Variants in ADCY5 observed in about 807,000 individuals in gnomAD.
ADCY5 encodes adenylate cyclase 5, also known as adenylate cyclase type 5.
Under a neutral mutation model 119.7 loss-of-function variants are expected in ADCY5, and 30 were observed. The ratio of observed to expected loss-of-function variants is 0.25; its 90% CI spans 0.19 to 0.34. The LOEUF is 0.34. Among genes scored for constraint, ADCY5 ranks in the 10% least tolerant of loss-of-function variants. The pLI is 1.00. For missense variants in ADCY5, 1,324 were observed against 1,775.2 expected (o/e 0.75, Z 4.57); for synonymous variants, 753 against 762.2 (o/e 0.99, Z 0.20).
At chr3:123,293,691 G>A (rs1046106718) in intron 17 of ADCY5, among the ~76,000 whole-genome samples, 3 of 152,162 alleles carry the variant, frequency 2.0e-5, no homozygotes, top group African/African-American at 7.2e-5. Context: ...AGGGAAGGCT[G>A]GGAAGAAGCC....
At chr3:123,375,856 G>A (rs772710770) in intron 1 of ADCY5, among the ~76,000 whole-genome samples, 3 of 152,278 alleles carry the variant, frequency 2.0e-5, no homozygotes, top group South Asian at 4.1e-4. Context: ...GTCCATGTCA[G>A]TATGTCTGTC....
In ADCY5 at chr3:123,426,612, T is replaced by G. The variant is rs563157592; in HGVS notation, c.1134+20800A>C. Among the ~76,000 whole-genome samples, 3 of 152,216 alleles carry G rather than the reference T, an allele frequency of 2.0e-5. No individual in the cohort carries two copies. The South Asian group carries it at 6.2e-4, about 32-fold the overall frequency. ...TCCCAAAGTGCTGGGATTACGGGCG[T>G]GAGCCACTGCGCCTGGCCAGAGCTG... On this transcript the variant is annotated intron_variant, in intron 1 of 20. Transcript: ENST00000462833.
At chr3:123,290,781 G>A (rs776177747) in intron 18 of ADCY5, among the ~76,000 whole-genome samples, 10 of 152,166 alleles carry the variant, frequency 6.6e-5, no homozygotes, top group Non-Finnish European at 1.0e-4. Context: ...GGTGGTCAGC[G>A]AGCCAGTCAG....
chr3:123,323,155 G>A (rs1382056008), intron 8 of ADCY5, among the ~76,000 whole-genome samples: 3 of 152,178 alleles, frequency 2.0e-5, no homozygotes, highest in African/African-American at 7.2e-5. Context: ...GCCCAGCCAG[G>A]ACAGGAGCCT....
intron 1 of ADCY5, among the ~76,000 whole-genome samples, chr3:123,401,460 T>C (rs1160636224): frequency 6.6e-6 from 1 of 152,098 alleles, no homozygotes; most frequent in African/African-American, 2.4e-5. Context: ...GCACTTAGGA[T>C]GAAAAACAAG....
At chr3:123,339,332 G>C (rs191988843) in intron 3 of ADCY5, among the ~76,000 whole-genome samples, 1 of 152,250 alleles carries the variant, frequency 6.6e-6, no homozygotes, top group East Asian at 1.9e-4. Flanking sequence ...GTCCTTTAGG[G>C]GAGTTAGCAC....
At position 123,352,707 on chromosome 3, in the gene ADCY5, C is replaced by T. The variant is rs1942883506; in HGVS notation, c.1135-126G>A. On this transcript the variant is annotated intron_variant, in intron 1 of 20. Transcript: ENST00000462833. The surrounding 1 kb of genome is among the most constrained non-coding windows in gnomAD (Gnocchi z 4.8). ...CTAGCAAACAAATGCTGAGGGCACC[C>T]CACACGCGGCCAACCACTGTGAGCA... The T allele has an allele frequency of 5.4e-6, 6 of 1,105,602 alleles. No individual in the cohort carries two copies. Among genetic ancestry groups the T allele is most frequent in the Non-Finnish European group, 6.3e-6 (5 of 795,340 alleles). The allele number at this position is 1,105,602 out of a possible 1,614,324, so 68.5% of individuals were successfully genotyped here. A position where few individuals can be genotyped will look rare whatever the true frequency, so the allele number is the denominator to read the frequency against.
intron 9 of ADCY5, among the ~76,000 whole-genome samples, chr3:123,320,453 G>A (rs1466666452): frequency 6.6e-6 from 1 of 152,222 alleles, no homozygotes; most frequent in Non-Finnish European, 1.5e-5. Flanking sequence ...CAGTGTGTAA[G>A]GTCTGCACTT....
chr3:123,296,164 A>G lies in ADCY5; in HGVS notation c.2983T>C (p.Ser995Pro). 1 of 1,613,924 alleles carries G rather than the reference A, an allele frequency of 6.2e-7. No individual in the cohort carries two copies. The highest frequency in any genetic ancestry group is 8.5e-7 in the Non-Finnish European group (1 of 1,179,974). Residue 995 changes from serine (S) to proline (P), a missense_variant, in exon 17 of 21, where the codon TCA becomes CCA. Around this residue, in one of 6 missense-constraint regions of ADCY5, gnomAD observed 424 missense variants for 546.8 expected, o/e 0.78. Transcript: ENST00000462833. ...ALKVVTPIII[S>P]VFVLALYLHA... is the part of the protein sequence containing the mutation. The stretch of plus-strand genomic sequence containing the variant: ...AGGTACAGGGCCAGCACAAAGACTG[A>G]GATGATGATGGGCGTCACCACCTTC...
At chr3:123,325,483 T>TG in intron 7 of ADCY5, 21 bp from the exon 8 acceptor site, 1 of 1,610,706 alleles carries the variant, frequency 6.2e-7, no homozygotes, top group Non-Finnish European at 8.5e-7. Context: ...AACACAGAGA[T>TG]GGGGGGAGAT....
At chr3:123,429,438 C>T (rs1945477397) in intron 1 of ADCY5, among the ~76,000 whole-genome samples, 1 of 152,086 alleles carries the variant, frequency 6.6e-6, no homozygotes, top group African/African-American at 2.4e-5. Flanking sequence ...CTGTGCTCAG[C>T]CCCCTCATCT....
intron 12 of ADCY5, among the ~76,000 whole-genome samples, chr3:123,310,116 AC>A (rs2108297843): frequency 7.0e-6 from 1 of 143,804 alleles, no homozygotes; most frequent in Non-Finnish European, 1.5e-5. Flanking sequence ...ACACACACAC[AC>A]ACACACACAC....
At chr3:123,310,543 G>GGGCC (rs1940509660) in intron 12 of ADCY5, among the ~76,000 whole-genome samples, 1 of 152,200 alleles carries the variant, frequency 6.6e-6, no homozygotes, top group African/African-American at 2.4e-5. Context: ...CTCACTGCAT[G>GGGCC]GGCCCCTTCC....
At chr3:123,428,395 G>A (rs895875436) in intron 1 of ADCY5, among the ~76,000 whole-genome samples, 20 of 152,138 alleles carry the variant, frequency 1.3e-4, no homozygotes, top group Non-Finnish European at 2.6e-4. Flanking sequence ...CCTCTCTCTG[G>A]CTGTTGACAT....
intron 11 of ADCY5, among the ~76,000 whole-genome samples, chr3:123,317,686 G>A (rs931732582): frequency 2.0e-5 from 3 of 150,042 alleles, no homozygotes; most frequent in African/African-American, 7.4e-5. Flanking sequence ...AGTGAGCCAA[G>A]ATCATGCCTC....
intron 1 of ADCY5, among the ~76,000 whole-genome samples, chr3:123,411,020 A>C (rs1945030740): frequency 6.6e-6 from 1 of 152,132 alleles, no homozygotes; most frequent in Admixed American, 6.6e-5. Flanking sequence ...CCATTCCAGC[A>C]CCCACTTATC....
intron 1 of ADCY5, among the ~76,000 whole-genome samples, chr3:123,365,058 C>T (rs909241717): frequency 2.0e-5 from 3 of 152,134 alleles, no homozygotes; most frequent in South Asian, 2.1e-4. Flanking sequence ...GTCAGCCTCC[C>T]GAGTAGCTGG....
At chr3:123,416,171 C>T (rs1464858575) in intron 1 of ADCY5, 3 of 1,536,008 alleles carry the variant, frequency 2.0e-6, no homozygotes, top group South Asian at 1.2e-5. Flanking sequence ...CCTGAGGTGG[C>T]CATGACACTC....
At chr3:123,339,699 C>T (rs1942184457) in intron 3 of ADCY5, among the ~76,000 whole-genome samples, 1 of 152,148 alleles carries the variant, frequency 6.6e-6, no homozygotes. Flanking sequence ...GACTAAGGGC[C>T]TCCTGCAGGC....
Sources: allele counts gnomAD v4.1 joint callset (sites outside exome capture counted in the v4.1 genomes callset), GRCh38; gene constraint gnomAD v4.1.1; regional missense constraint gnomAD v4.1.1; non-coding constraint Gnocchi (gnomAD v3.1); transcripts MANE v1.5; gene names NCBI Gene and HGNC (gene_info 2026-07-23, HGNC 2026-07-21).